Variants in BRWD1 observed in about 807,000 individuals in gnomAD.
The protein encoded by BRWD1 is bromodomain and WD repeat domain containing 1, also known as bromodomain and WD repeat-containing protein 1.
In BRWD1, 82 loss-of-function variants were observed where a neutral mutation model predicts 251.2. The observed-to-expected ratio is 0.33, with a 90% CI of 0.27 to 0.39. The LOEUF (loss-of-function observed/expected upper bound fraction) is 0.39. Among genes scored for constraint, BRWD1 ranks in the 10% least tolerant of loss-of-function variants. BRWD1 has a pLI of 1.00. For missense variants in BRWD1, 2,233 were observed against 2,711.6 expected, an observed-to-expected ratio of 0.82 and a Z score of 3.92; for synonymous variants, 918 against 902.8, an observed-to-expected ratio of 1.02 and a Z score of -0.30.
Position 39,312,980 on chromosome 21 carries a change from GCGGGCGGC to G in BRWD1, c.138+84_139-81del. ...GGGGGCGGGGGGCCGGGGGCGGGCG[GCGGGCGGC>G]GGGCGGGGGGCGCGGGCGAGCATCC... is the stretch of plus-strand genomic sequence containing the variant. On this transcript the variant is annotated intron_variant, in intron 3 of 40. Coordinates refer to ENST00000342449, the MANE Select transcript of BRWD1 (RefSeq NM_033656.4). 2.6e-6 allele frequency: 2 copies of G among 780,860 alleles called. 1 individual carries two copies. Among genetic ancestry groups the G allele is most frequent in the Non-Finnish European group, 3.3e-6 (2 of 612,896 alleles). 48.4% of individuals were successfully genotyped at this position (780,860 alleles called of 1,614,324 possible).
chr21:39,236,876 AG>A (rs1052809047), intron 22 of BRWD1, 92 bp from the exon 23 acceptor site: 14 of 1,162,554 alleles, frequency 1.2e-5, no homozygotes, highest in Non-Finnish European at 1.7e-5. Context: ...CAGAGAGAGG[AG>A]AAAAAGGGAA....
At chr21:39,261,553 G>A (rs2034746536) in intron 17 of BRWD1, among the ~76,000 whole-genome samples, 2 of 152,132 alleles carry the variant, frequency 1.3e-5, no homozygotes, top group South Asian at 4.1e-4. Flanking sequence ...CAGTACAAAT[G>A]TCAACACTGT....
chr21:39,186,325 A>T lies in BRWD1; in HGVS notation c.*9934T>A, dbSNP rs373378506. ...AAAATATATATTCCCTGAATTAGTC[A>T]TATCAAGTGGTCATTCAGTATGAAC... On this transcript the variant is annotated 3_prime_UTR_variant, in exon 41 of 41. Transcript: ENST00000342449. The T allele has an allele frequency of 6.6e-6, 1 of 152,206 alleles. No homozygotes were observed. Among genetic ancestry groups the T allele is most frequent in the East Asian group, 1.9e-4 (1 of 5,202 alleles). 9.4% of individuals were successfully genotyped at this position (152,206 alleles called of 1,614,324 possible).
At chr21:39,201,835 A>C (rs899221040) in intron 38 of BRWD1, among the ~76,000 whole-genome samples, 2 of 152,260 alleles carry the variant, frequency 1.3e-5, no homozygotes, top group Non-Finnish European at 2.9e-5. Flanking sequence ...ATTCAATTAT[A>C]ACAGTAAATA....
intron 8 of BRWD1, among the ~76,000 whole-genome samples, chr21:39,292,698 T>C (rs1023413901): frequency 6.6e-6 from 1 of 151,850 alleles, no homozygotes; most frequent in African/African-American, 2.4e-5. Flanking sequence ...ACATCCAAAC[T>C]GTGGGGAAAC....
upstream of BRWD1, chr21:39,314,595 C>CCTTGTCTTGCCAGGCTTT: frequency 2.9e-6 from 1 of 345,968 alleles, no homozygotes; most frequent in Non-Finnish European, 5.7e-6. Context: ...TGCCAGGCTT[C>CCTTGTCTTGCCAGGCTTT]TGACCTAACT....
rs1601227516 is a variant in BRWD1 at position 39,194,065 on chromosome 21, C to G, written c.*2194G>C. The G allele has an allele frequency of 1.0e-6, 1 of 985,334 alleles. No individual in the cohort carries two copies. Among genetic ancestry groups the G allele is most frequent in the Admixed American group, 6.2e-5 (1 of 16,226 alleles). The allele number at this position is 985,334 out of a possible 1,614,324, so 61.0% of individuals were successfully genotyped here. On this transcript the variant is annotated 3_prime_UTR_variant, in exon 41 of 41. Transcript: ENST00000342449. ...TGATGAAACCAAATCTGATTAAAAACCAAAATACCACTTCTGTATGCAAGG... is the reference window on the plus strand; with the variant it reads ...TGATGAAACCAAATCTGATTAAAAAGCAAAATACCACTTCTGTATGCAAGG...
chr21:39,224,361 C>G (rs565491254), intron 29 of BRWD1, 47 bp downstream of exon 29: 2 of 1,171,492 alleles, frequency 1.7e-6, no homozygotes, highest in African/African-American at 3.2e-5. Context: ...GGCAAATGTA[C>G]ATATTATAAA....
At chr21:39,204,571 G>T (rs73357842) in intron 37 of BRWD1, among the ~76,000 whole-genome samples, 1 of 151,998 alleles carries the variant, frequency 6.6e-6, no homozygotes, top group African/African-American at 2.4e-5. Flanking sequence ...TGTATCAAGG[G>T]TACATTTTCC....
intron 23 of BRWD1, among the ~76,000 whole-genome samples, chr21:39,235,164 A>C (rs1224176255): frequency 2.6e-5 from 4 of 152,084 alleles, no homozygotes; most frequent in Non-Finnish European, 5.9e-5. Context: ...CAGGATAATC[A>C]CTTGAACCCA....
intron 8 of BRWD1, among the ~76,000 whole-genome samples, chr21:39,290,271 C>G (rs376755254): frequency 6.6e-5 from 10 of 151,568 alleles, no homozygotes; most frequent in African/African-American, 2.2e-4. Flanking sequence ...AGGTGGATCA[C>G]GAGGTCAGGA....
At chr21:39,236,926 C>T (rs2033831697) in intron 22 of BRWD1, 142 bp from the exon 23 acceptor site, 2 of 649,930 alleles carry the variant, frequency 3.1e-6, no homozygotes, top group African/African-American at 3.6e-5. Context: ...GCATTCTCCC[C>T]TCACTACCAG....
Position 39,189,165 on chromosome 21 carries a change from T to C in BRWD1, c.*7094A>G. ...CAAAGGGTAAACAAAAATTTTAAAA[T>C]ATGCAAAATTAAGGTGAAATTTGCA... is the stretch of plus-strand genomic sequence containing the variant. On this transcript the variant is annotated 3_prime_UTR_variant, in exon 41 of 41. Coordinates refer to ENST00000342449, the MANE Select transcript of BRWD1 (RefSeq NM_033656.4). 1.0e-6 allele frequency: 1 copy of C among 984,292 alleles called. No homozygotes were observed. Among genetic ancestry groups the C allele is most frequent in the Non-Finnish European group, 1.2e-6 (1 of 828,870 alleles). The allele number at this position is 984,292 out of a possible 1,614,324, so 61.0% of individuals were successfully genotyped here.
rs2032378006 is a variant in BRWD1, at chr21:39,206,131, G to A, written c.4341C>T (p.Asp1447=). ...RFKQRQNCKG[D]SQPNKSIRNL... is the part of the protein sequence containing the mutation. Reference sequence around the variant, plus strand: ...ACCTGATACTTTTGTTAGGCTGACTGTCACCTTTACAATTTTGCCGTTGCT... The same window carrying A: ...ACCTGATACTTTTGTTAGGCTGACTATCACCTTTACAATTTTGCCGTTGCT... Residue 1447 remains aspartate (D), a synonymous_variant, in exon 37 of 41, where the codon GAC becomes GAT. Coordinates refer to ENST00000342449, the MANE Select transcript of BRWD1 (RefSeq NM_033656.4). 6.2e-7 allele frequency: 1 copy of A among 1,611,546 alleles called. No individual in the cohort carries two copies.
intron 22 of BRWD1, among the ~76,000 whole-genome samples, chr21:39,237,485 G>A (rs1176687280): frequency 2.6e-5 from 4 of 152,028 alleles, no homozygotes; most frequent in Admixed American, 2.0e-4. Context: ...ACACCTTTTC[G>A]TCTCTATCAA....
intron 35 of BRWD1, 95 bp downstream of exon 35, chr21:39,210,691 C>T: frequency 7.1e-7 from 1 of 1,399,252 alleles, no homozygotes; most frequent in Non-Finnish European, 9.5e-7. Context: ...AACATAAAGC[C>T]TGGGTATCTT....
At chr21:39,200,197 A>G (rs768789598) in intron 39 of BRWD1, 22 bp downstream of exon 39, 1 of 1,579,210 alleles carries the variant, frequency 6.3e-7, no homozygotes, top group East Asian at 2.2e-5. Flanking sequence ...ACATTCCATA[A>G]AAGTACTACT....
intron 17 of BRWD1, among the ~76,000 whole-genome samples, chr21:39,263,227 A>G (rs1208026428): frequency 6.6e-6 from 1 of 152,260 alleles, no homozygotes; most frequent in Non-Finnish European, 1.5e-5. Context: ...AGTAATCTAC[A>G]TTAGGTTTTT....
chr21:39,280,215 T>TA lies in BRWD1; in HGVS notation c.864_865insT (p.Met289TyrfsTer7). 6.2e-7 allele frequency: 1 copy of TA among 1,609,528 alleles called. No homozygotes were observed. Among genetic ancestry groups the TA allele is most frequent in the Non-Finnish European group, 8.5e-7 (1 of 1,178,690 alleles). On this transcript the variant is annotated frameshift_variant, in exon 9 of 41. Transcript: ENST00000342449. LOFTEE classifies it high-confidence loss of function. ...GTCCCATCAGCACCAGTGGAAACCATGTATCTTTGAGAGCCTTTGGCCATC... is the reference window on the plus strand; with the variant it reads ...GTCCCATCAGCACCAGTGGAAACCATAGTATCTTTGAGAGCCTTTGGCCATC...
Sources: gnomAD v4.1 joint callset for allele counts (sites outside exome capture counted in the v4.1 genomes callset) on GRCh38, gnomAD v4.1.1 for gene constraint, MANE v1.5 for transcripts, NCBI Gene and HGNC (gene_info 2026-07-23, HGNC 2026-07-21) for gene names.